The following ATAD3B variants were observed in gnomAD, a reference collection of about 807,000 sequenced individuals.
ATAD3B encodes ATPase family AAA domain containing 3B, also known as ATPase family AAA domain-containing protein 3B.
ATAD3B carries 59 observed loss-of-function variants against 70.2 expected under a neutral mutation model. The ratio of observed to expected loss-of-function variants is 0.84; its 90% CI spans 0.68 to 1.04. The LOEUF (loss-of-function observed/expected upper bound fraction) is 1.04, where lower values mean the gene tolerates loss of function less well. ATAD3B is among the 50% of genes least tolerant of loss of function. The pLI is 0.00. For synonymous variants in ATAD3B, 423 were observed against 388.6 expected, an observed-to-expected ratio of 1.09 and a Z score of -1.04; for missense variants, 961 against 913.4, an observed-to-expected ratio of 1.05 and a Z score of -0.67.
At chr1:1,502,663 C>T (rs951806638), downstream of ATAD3B, among the ~76,000 whole-genome samples, 2 of 151,158 alleles carry the variant, frequency 1.3e-5, no homozygotes, top group African/African-American at 4.9e-5. Flanking sequence ...AGGCACAGGC[C>T]GACATGCCCG....
the ATAD3B span, among the ~76,000 whole-genome samples, chr1:1,505,381 C>T: frequency 6.6e-6 from 1 of 152,170 alleles, no homozygotes. Flanking sequence ...CAGGATGGAA[C>T]GTGAAGGCGG....
Position 1,486,091 on chromosome 1 carries a change from CCCCCGTCTT to C in ATAD3B, c.964-13_964-5del, listed in dbSNP as rs1557807250. On this transcript the variant is annotated splice_polypyrimidine_tract_variant and intron_variant, in intron 9 of 15. Transcript: ENST00000673477. Reference sequence around the variant, plus strand: ...GTGGGTGCAGAGTGTCTCCCCCAAACCCCCGTCTTCCCCGGCAGCCCAGCCTGGAAGCAC... The same window carrying C: ...GTGGGTGCAGAGTGTCTCCCCCAAACCCCCGGCAGCCCAGCCTGGAAGCAC... 6.2e-7 allele frequency: 1 copy of C among 1,612,808 alleles called. No homozygotes were observed. Among genetic ancestry groups the C allele is most frequent in the African/African-American group, 1.3e-5 (1 of 74,886 alleles).
At chr1:1,490,530 C>G in intron 14 of ATAD3B, 33 bp from the exon 15 acceptor site, 1 of 1,611,264 alleles carries the variant, frequency 6.2e-7, no homozygotes, top group Non-Finnish European at 8.5e-7. Context: ...GGTCCGCGGC[C>G]TTGGCTGCCT....
At chr1:1,504,652 A>G in the ATAD3B span, among the ~76,000 whole-genome samples, 3 of 140,144 alleles carry the variant, frequency 2.1e-5, no homozygotes, top group African/African-American at 9.5e-5. Flanking sequence ...CTCTGTCTCA[A>G]AAACAAAAAA....
At chr1:1,506,870 C>T in the ATAD3B span, among the ~76,000 whole-genome samples, 3 of 150,892 alleles carry the variant, frequency 2.0e-5, no homozygotes, top group Non-Finnish European at 4.4e-5. Flanking sequence ...TCACTGCAAG[C>T]TCCGCCTCTT....
chr1:1,505,480 G>A, the ATAD3B span, among the ~76,000 whole-genome samples: 1 of 152,192 alleles, frequency 6.6e-6, no homozygotes, highest in Non-Finnish European at 1.5e-5. Context: ...TCCACAAGAG[G>A]TGGAGGAGTA....
At chr1:1,477,251 C>A (rs1192846046) in intron 1 of ATAD3B, 23 bp from the exon 2 acceptor site, 1 of 1,611,662 alleles carries the variant, frequency 6.2e-7, no homozygotes, top group Admixed American at 1.7e-5. Context: ...TACACCTGCT[C>A]TCCGTGCCAC....
chr1:1,494,069 C>T (rs1210147375), intron 15 of ATAD3B, among the ~76,000 whole-genome samples: 1 of 152,044 alleles, frequency 6.6e-6, no homozygotes, highest in African/African-American at 2.4e-5. Flanking sequence ...GCTTGAAGAT[C>T]TTAGGTTCCC....
intron 5 of ATAD3B, 142 bp downstream of exon 5, chr1:1,481,078 T>A: frequency 6.8e-7 from 1 of 1,461,638 alleles, no homozygotes; most frequent in South Asian, 1.3e-5. Context: ...CTCTGCGGGG[T>A]GGGGCTCCCT....
chr1:1,495,382 C>T (rs531706200), intron 15 of ATAD3B, 103 bp from the exon 16 acceptor site: 1 of 1,442,338 alleles, frequency 6.9e-7, no homozygotes, highest in Admixed American at 2.3e-5. Context: ...TGAGGTTGTC[C>T]TGGTGCCCCT....
chr1:1,479,835 C>CAT lies in ATAD3B; in HGVS notation c.444+728_444+729insTA, dbSNP rs548388597. On this transcript the variant is annotated intron_variant, in intron 4 of 15. Transcript: ENST00000673477. ...CAGCCCACACACATACCCCTTCACA[C>CAT]AGGCACACACCGCCCCGCACACACG... 1.9e-3 allele frequency among the ~76,000 whole-genome samples: 281 copies of CAT among 144,208 alleles called. 18 individuals are homozygous for CAT. The highest frequency in any genetic ancestry group is 6.9e-3 in the African/African-American group (264 of 38,170). 94.6% of individuals were successfully genotyped at this position (144,208 alleles called of 152,430 possible). A position where few individuals can be genotyped will look rare whatever the true frequency, so the allele number is the denominator to read the frequency against.
chr1:1,494,182 C>T (rs1640666579), intron 15 of ATAD3B, among the ~76,000 whole-genome samples: 1 of 149,652 alleles, frequency 6.7e-6, no homozygotes, highest in African/African-American at 2.5e-5. Flanking sequence ...CAGGTTTTGC[C>T]CCAGAATCCC....
At position 1,479,064 on chromosome 1, in the gene ATAD3B, G is replaced by C; in HGVS notation, c.400G>C (p.Asp134His). The C allele has an allele frequency of 4.6e-6, 6 of 1,311,290 alleles. No individual in the cohort carries two copies. The highest frequency in any genetic ancestry group is 6.2e-6 in the Non-Finnish European group (6 of 964,554). 81.2% of individuals were successfully genotyped at this position (1,311,290 alleles called of 1,614,324 possible). A position where few individuals can be genotyped will look rare whatever the true frequency, so the allele number is the denominator to read the frequency against. Residue 134 changes from aspartate to histidine, a missense_variant, in exon 4 of 16, where the codon GAC becomes CAC. By Grantham distance (81) the Asp-to-His change is moderately conservative. Coordinates refer to ENST00000673477, the MANE Select transcript of ATAD3B (RefSeq NM_031921.6). ...TCTCCCCCAGAGGGCCCAGTATCAA[G>C]ACAAGCTGGCCCGGCAGCGCTACGA... ...RQHQARAQYQ[D>H]KLARQRYEDQ...
Position 1,496,124 on chromosome 1 carries a change from C to T in ATAD3B, c.*307C>T. The T allele has an allele frequency of 1.8e-6, 2 of 1,139,116 alleles. No homozygotes were observed. Among genetic ancestry groups the T allele is most frequent in the South Asian group, 3.6e-5 (1 of 27,568 alleles). 70.6% of individuals were successfully genotyped at this position (1,139,116 alleles called of 1,614,324 possible). ...CGGAACCCGGCAGGGGTGTCTGAGG[C>T]CGCCCTGTCAGCTGGCCGGTCCAAG... On this transcript the variant is annotated 3_prime_UTR_variant, in exon 16 of 16. Transcript: ENST00000673477.
chr1:1,478,163 A>C, intron 2 of ATAD3B: 2 of 246,568 alleles, frequency 8.1e-6, no homozygotes, highest in Non-Finnish European at 1.6e-5. Context: ...CATCTGGCGA[A>C]TTTTTGTATT....
downstream of ATAD3B, among the ~76,000 whole-genome samples, chr1:1,500,938 C>CA (rs1640932500): frequency 6.6e-6 from 1 of 152,080 alleles, no homozygotes; most frequent in East Asian, 1.9e-4. Context: ...GCCTGGGCGA[C>CA]AGAGTGAGAC....
chr1:1,476,819 T>C (rs572293057), intron 1 of ATAD3B, among the ~76,000 whole-genome samples: 48 of 151,728 alleles, frequency 3.2e-4, no homozygotes, highest in African/African-American at 1.1e-3. Context: ...GAATAATTTT[T>C]TTTTAGAGAC....
Position 1,495,987 on chromosome 1 carries a change from G to C in ATAD3B, c.*170G>C. ...CCCCTGGGGCAGAAGGAGTGGGGCA[G>C]GCGGGGTCTTTGTTCTCGGCTCCCA... On this transcript the variant is annotated 3_prime_UTR_variant, in exon 16 of 16. Transcript: ENST00000673477. The C allele has an allele frequency of 7.3e-7, 1 of 1,365,458 alleles. No homozygotes were observed. The highest frequency in any genetic ancestry group is 9.4e-7 in the Non-Finnish European group (1 of 1,061,206). 84.6% of individuals were successfully genotyped at this position (1,365,458 alleles called of 1,614,324 possible). A position where few individuals can be genotyped will look rare whatever the true frequency, so the allele number is the denominator to read the frequency against.
In ATAD3B at chr1:1,482,289, C is replaced by T; in HGVS notation, c.666C>T (p.Val222=). The change falls in exon 6 of 16, where the codon GTC becomes GTT. Residue 222 remains valine (V), a synonymous_variant. Coordinates refer to ENST00000673477, the MANE Select transcript of ATAD3B (RefSeq NM_031921.6). ...RLKASEHRQT[V]LESIRTAGTL... ...AGGCGTCCGAGCACCGTCAGACCGT[C>T]TTGGAGTCCATCAGGTGAGCACTGC... The T allele has an allele frequency of 6.2e-7, 1 of 1,607,520 alleles. No homozygotes were observed.
Sources: gnomAD v4.1 joint callset for allele counts (sites outside exome capture counted in the v4.1 genomes callset) on GRCh38, gnomAD v4.1.1 for gene constraint, MANE v1.5 for transcripts, NCBI Gene and HGNC (gene_info 2026-07-23, HGNC 2026-07-21) for gene names.